The following SASH1 variants were observed in gnomAD, a reference collection of about 807,000 sequenced individuals.
The protein encoded by SASH1 is SAM and SH3 domain containing 1.
A neutral mutation model predicts 125.2 loss-of-function variants in SASH1; 44 were observed. That is an observed-to-expected ratio of 0.35 (90% CI 0.28 to 0.45). The LOEUF is 0.45. Ranked by LOEUF, SASH1 falls within the 20% of genes least tolerant of loss-of-function variation. The pLI is 1.00. For synonymous variants in SASH1, 639 were observed against 649.1 expected, an observed-to-expected ratio of 0.98 and a Z score of 0.24; for missense variants, 1,426 against 1,614.5, an observed-to-expected ratio of 0.88 and a Z score of 2.00.
chr6:148,524,321 C>T (rs979178108), intron 10 of SASH1: 1 of 151,090 alleles, frequency 6.6e-6, no homozygotes, highest in African/African-American at 2.4e-5. Flanking sequence ...ATATTGAAGC[C>T]CGAATCTACA....
chr6:148,443,143 GAAAAAAAA>G (rs3035290), intron 4 of SASH1, among the ~76,000 whole-genome samples: 17 of 129,426 alleles, frequency 1.3e-4, no homozygotes, highest in East Asian at 4.3e-4. Context: ...GCACTTTTTA[GAAAAAAAA>G]AAAAAAAAAA....
chr6:148,509,127 C>T (rs1779973242), intron 8 of SASH1: 1 of 351,674 alleles, frequency 2.8e-6, no homozygotes, highest in East Asian at 7.5e-5. Context: ...AGACAATGAG[C>T]ATATATGGCT....
rs577744881 is a variant in SASH1 at position 148,293,936 on chromosome 6, A to T, written n.74+21559A>T. 9.8e-5 allele frequency among the ~76,000 whole-genome samples: 15 copies of T among 152,352 alleles called. 1 individual carries two copies. The South Asian group carries it at 3.1e-3, about 32-fold the overall frequency. ...GAGCATTAACATTTCTCAAGGGAGC[A>T]AGAGAAATCTGAGAAATAGTCATTG... On this transcript the variant is annotated intron_variant and non_coding_transcript_variant, in intron 1 of 3. Coordinates refer to the SASH1 transcript ENST00000367469.
At chr6:148,340,061 C>T (rs1050684667), upstream of SASH1, among the ~76,000 whole-genome samples, 2 of 152,178 alleles carry the variant, frequency 1.3e-5, no homozygotes, top group African/African-American at 4.8e-5. Flanking sequence ...GAGAGTCAGG[C>T]TTCATCCTAA....
chr6:148,279,536 T>C (rs1779279873), intron 1 of SASH1, among the ~76,000 whole-genome samples: 1 of 152,130 alleles, frequency 6.6e-6, no homozygotes, highest in African/African-American at 2.4e-5. Flanking sequence ...ATTCTAAGAT[T>C]ACACAAAAAC....
intron 1 of SASH1, among the ~76,000 whole-genome samples, chr6:148,348,336 T>C (rs571161070): frequency 6.6e-6 from 1 of 152,338 alleles, no homozygotes; most frequent in South Asian, 2.1e-4. Flanking sequence ...CTTTTCCTGC[T>C]AAAGGAGACC....
intron 2 of SASH1, among the ~76,000 whole-genome samples, chr6:148,394,932 C>T (rs1207574411): frequency 6.6e-6 from 1 of 152,254 alleles, no homozygotes; most frequent in Admixed American, 6.5e-5. Flanking sequence ...GCATGAGCCA[C>T]TGTGACTGGC....
Position 148,529,710 on chromosome 6 carries a change from C to G in SASH1, c.1429-1816C>G, listed in dbSNP as rs77880880. 8.7e-4 allele frequency among the ~76,000 whole-genome samples: 132 copies of G among 152,034 alleles called. No homozygotes were observed. The highest frequency in any genetic ancestry group is 3.0e-3 in the African/African-American group (123 of 41,460). On this transcript the variant is annotated intron_variant, in intron 12 of 19. Transcript: ENST00000367467. This position sits in a 1 kb window ranked among gnomAD's most constrained non-coding sequence, Gnocchi z 4.2. ...CTTAGTTCTGTTTTTTTAAAGCAGC[C>G]ATTTCACATAAGTTAAGGAATAAAA...
intron 8 of SASH1, among the ~76,000 whole-genome samples, chr6:148,506,005 G>A (rs1189554327): frequency 6.6e-6 from 1 of 151,652 alleles, no homozygotes; most frequent in African/African-American, 2.4e-5. Context: ...TCCTGAGCTC[G>A]TGATCTGCCC....
At chr6:148,293,404 A>G (rs758625972) in intron 1 of SASH1, among the ~76,000 whole-genome samples, 2 of 152,300 alleles carry the variant, frequency 1.3e-5, no homozygotes, top group Non-Finnish European at 2.9e-5. Context: ...GTGTCCTTGA[A>G]CTGTTTGCTT....
Position 148,533,097 on chromosome 6 carries a change from A to G in SASH1, c.1734+131A>G. 1.0e-6 allele frequency: 1 copy of G among 983,502 alleles called. No individual in the cohort carries two copies. The allele number at this position is 983,502 out of a possible 1,614,324, so 60.9% of individuals were successfully genotyped here. A position where few individuals can be genotyped will look rare whatever the true frequency, so the allele number is the denominator to read the frequency against. ...GGACAGTATCTTGGCTACCTCGATCACTGGTCTCCTCTGTAGTGAAAAACA... is the reference window on the plus strand; with the variant it reads ...GGACAGTATCTTGGCTACCTCGATCGCTGGTCTCCTCTGTAGTGAAAAACA... On this transcript the variant is annotated intron_variant, in intron 14 of 19. Coordinates refer to ENST00000367467, the MANE Select transcript of SASH1 (RefSeq NM_015278.5). This position sits in a 1 kb window ranked among gnomAD's most constrained non-coding sequence, Gnocchi z 6.2.
intron 8 of SASH1, among the ~76,000 whole-genome samples, chr6:148,503,364 G>A (rs749000751): frequency 6.6e-6 from 1 of 152,090 alleles, no homozygotes; most frequent in Non-Finnish European, 1.5e-5. Context: ...CACAAAGTGT[G>A]CATCCAAGGA....
At position 148,400,366 on chromosome 6, in the gene SASH1, C is replaced by T. The variant is rs371870756; in HGVS notation, c.285+10104C>T. Among the ~76,000 whole-genome samples the T allele has an allele frequency of 1.2e-3, 180 of 152,368 alleles. 5 individuals are homozygous for T. In the South Asian group the frequency reaches 0.036, roughly 30 times the overall value. On this transcript the variant is annotated intron_variant, in intron 2 of 19. Transcript: ENST00000367467. ...ATGCTGGTGTTGTCACACACTACAC[C>T]TGACATTGTCCTCCTGACGCACGCA...
intron 2 of SASH1, chr6:148,393,777 G>A: frequency 1.0e-6 from 1 of 967,704 alleles, no homozygotes; most frequent in East Asian, 1.1e-4. Context: ...TTGGTGGTGA[G>A]TAAAATTGAT....
intron 1 of SASH1, chr6:148,283,206 G>C (rs1779390943): frequency 6.6e-6 from 1 of 152,262 alleles, no homozygotes; most frequent in African/African-American, 2.4e-5. Context: ...GAAGAGGACA[G>C]GGACAAAGAG....
At position 148,477,737 on chromosome 6, in the gene SASH1, G is replaced by A. The variant is rs535871336; in HGVS notation, c.627+3515G>A. On this transcript the variant is annotated intron_variant, in intron 7 of 19. Transcript: ENST00000367467. ...TTTTGAGATGGAGTCTTGCTCTGTC[G>A]CCCAGGTTGGAGTGCAATGGTGCAA... Among the ~76,000 whole-genome samples the A allele has an allele frequency of 2.8e-3, 352 of 124,838 alleles. 3 individuals carry two copies. The highest frequency in any genetic ancestry group is 8.9e-3 in the African/African-American group (273 of 30,560). The allele number at this position is 124,838 out of a possible 152,430, so 81.9% of individuals were successfully genotyped here. A position where few individuals can be genotyped will look rare whatever the true frequency, so the allele number is the denominator to read the frequency against.
chr6:148,547,959 C>G (rs533416248), intron 19 of SASH1, among the ~76,000 whole-genome samples: 1 of 152,360 alleles, frequency 6.6e-6, no homozygotes, highest in African/African-American at 2.4e-5. Context: ...TTTGTCCCTT[C>G]AGACTACCTT....
intron 4 of SASH1, among the ~76,000 whole-genome samples, chr6:148,454,150 T>C (rs1777230487): frequency 6.6e-6 from 1 of 152,142 alleles, no homozygotes; most frequent in African/African-American, 2.4e-5. Flanking sequence ...GCAGAGGGCC[T>C]GCAGGAGTTG....
rs1292963304 is a variant in SASH1 at position 148,343,100 on chromosome 6, G to A, written c.33G>A (p.Pro11=). MEDAGAAGPG[P]EPEPEPEPEP... Reference sequence around the variant, plus strand: ...ACGCGGGAGCAGCTGGCCCGGGGCCGGAGCCTGAGCCCGAGCCCGAGCCGG... The same window carrying A: ...ACGCGGGAGCAGCTGGCCCGGGGCCAGAGCCTGAGCCCGAGCCCGAGCCGG... The change falls in exon 1 of 20, where the codon CCG becomes CCA. Residue 11 remains proline, a synonymous_variant. Transcript: ENST00000367467. The A allele has an allele frequency of 2.8e-6, 4 of 1,449,914 alleles. No individual in the cohort carries two copies. Among genetic ancestry groups the A allele is most frequent in the Admixed American group, 1.9e-5 (1 of 51,542 alleles). The allele number at this position is 1,449,914 out of a possible 1,614,324, so 89.8% of individuals were successfully genotyped here.
Sources: gnomAD v4.1 joint callset for allele counts (sites outside exome capture counted in the v4.1 genomes callset) on GRCh38, gnomAD v4.1.1 for gene constraint, Gnocchi (gnomAD v3.1) non-coding constraint, MANE v1.5 for transcripts, NCBI Gene and HGNC (gene_info 2026-07-23, HGNC 2026-07-21) for gene names.